The following AGTPBP1 variants were observed in gnomAD, a reference collection of about 807,000 sequenced individuals.
AGTPBP1 encodes cytosolic carboxypeptidase 1.
In AGTPBP1, 70 loss-of-function variants were observed where a neutral mutation model predicts 143.9. The ratio of observed to expected loss-of-function variants is 0.49; its 90% CI spans 0.40 to 0.59. The LOEUF (loss-of-function observed/expected upper bound fraction) is 0.59. AGTPBP1 is among the 20% of genes least tolerant of loss of function. The pLI, the probability that AGTPBP1 is intolerant of heterozygous loss-of-function variation, is 0.00. For synonymous variants in AGTPBP1, 463 were observed against 500.2 expected (o/e 0.93, Z 0.99); for missense variants, 1,229 against 1,464.5 (o/e 0.84, Z 2.62).
chr9:85,649,843 A>G (rs1420428924), intron 11 of AGTPBP1, among the ~76,000 whole-genome samples: 1 of 152,150 alleles, frequency 6.6e-6, no homozygotes, highest in Non-Finnish European at 1.5e-5. Context: ...TAAAGTCTTA[A>G]TATTACAATA....
At chr9:85,798,075 T>G in the AGTPBP1 span, among the ~76,000 whole-genome samples, 1 of 149,878 alleles carries the variant, frequency 6.7e-6, no homozygotes, top group African/African-American at 2.5e-5. Flanking sequence ...TTTTTTTTTG[T>G]ATTTTTGGTG....
rs535718560 is a variant in AGTPBP1 at position 85,558,253 on chromosome 9, G to A, written c.3504-10967C>T. ...GACACATGAAGGTCACATATTGTAT[G>A]ATTCCATTTCTATGAAATATCCAGA... is the stretch of plus-strand genomic sequence containing the variant. On this transcript the variant is annotated intron_variant, in intron 25 of 25. Transcript: ENST00000357081. 1.6e-4 allele frequency among the ~76,000 whole-genome samples: 24 copies of A among 152,320 alleles called. 1 individual carries two copies. The South Asian group carries it at 4.3e-3, about 28-fold the overall frequency.
chr9:85,773,965 G>A, the AGTPBP1 span: 69 of 1,610,352 alleles, frequency 4.3e-5, no homozygotes, highest in Non-Finnish European at 5.9e-5. Flanking sequence ...AAATTGCAGT[G>A]TGACCGGAGA....
intron 25 of AGTPBP1, among the ~76,000 whole-genome samples, chr9:85,548,434 C>G (rs1825846334): frequency 6.6e-6 from 1 of 152,176 alleles, no homozygotes; most frequent in Non-Finnish European, 1.5e-5. Flanking sequence ...GCAAAACCAC[C>G]TTGATCTAAT....
chr9:85,728,563 G>A (rs1036897841), intron 1 of AGTPBP1, among the ~76,000 whole-genome samples: 1 of 152,136 alleles, frequency 6.6e-6, no homozygotes, highest in African/African-American at 2.4e-5. Flanking sequence ...AGGAGGAACT[G>A]TCTCATGTCA....
intron 1 of AGTPBP1, among the ~76,000 whole-genome samples, chr9:85,733,123 A>T (rs1235464002): frequency 1.3e-5 from 2 of 152,190 alleles, no homozygotes; most frequent in African/African-American, 4.8e-5. Flanking sequence ...CAACACAATG[A>T]ATCAACTAGA....
intron 21 of AGTPBP1, 144 bp from the exon 22 acceptor site, chr9:85,587,104 C>T (rs1028197323): frequency 7.7e-6 from 7 of 905,112 alleles, no homozygotes; most frequent in Non-Finnish European, 1.1e-5. Flanking sequence ...ATGGTAAGCT[C>T]AACCAAATGC....
At chr9:85,618,798 G>A (rs1308953569) in intron 17 of AGTPBP1, among the ~76,000 whole-genome samples, 185 bp downstream of exon 17, 1 of 152,126 alleles carries the variant, frequency 6.6e-6, no homozygotes, top group African/African-American at 2.4e-5. Flanking sequence ...CTATATAAGA[G>A]TAACTCTTTT....
the AGTPBP1 span, among the ~76,000 whole-genome samples, chr9:85,760,179 C>T: frequency 6.6e-6 from 1 of 152,156 alleles, no homozygotes; most frequent in South Asian, 2.1e-4. Context: ...CAGCCGAATT[C>T]TACCAGAGGT....
At chr9:85,667,480 A>G (rs1425238634) in intron 8 of AGTPBP1, among the ~76,000 whole-genome samples, 1 of 152,180 alleles carries the variant, frequency 6.6e-6, no homozygotes, top group Non-Finnish European at 1.5e-5. Flanking sequence ...TAATGAAATA[A>G]CAGATACAGG....
chr9:85,672,732 ATTTTTT>A (rs35158140), intron 6 of AGTPBP1, 51 bp from the exon 7 acceptor site: 19 of 919,480 alleles, frequency 2.1e-5, no homozygotes, highest in East Asian at 3.9e-5. Flanking sequence ...TTTCTTTTTA[ATTTTTT>A]TTTTTTTTTT....
the AGTPBP1 span, among the ~76,000 whole-genome samples, chr9:85,766,817 G>A: frequency 6.6e-6 from 1 of 152,112 alleles, no homozygotes; most frequent in South Asian, 2.1e-4. Context: ...GTGACACAAG[G>A]TATCAATAAA....
rs148198029 is a variant in AGTPBP1, at chr9:85,547,199, A to G, written c.3591T>C (p.Ile1197=). The change falls in exon 26 of 26, where the codon ATT becomes ATC. Residue 1197 remains isoleucine (I), a synonymous_variant. Coordinates refer to ENST00000357081, the MANE Select transcript of AGTPBP1 (RefSeq NM_001330701.2). ...YSAESNDELD[I]ELAENVGDYE... ...AATCTCCTACATTTTCAGCCAACTC[A>G]ATATCTAACTCATCATTACTTTCTG... 2.5e-6 allele frequency: 4 copies of G among 1,613,752 alleles called. No homozygotes were observed. The African/African-American group carries it at 5.3e-5, about 22-fold the overall frequency.
chr9:85,571,903 A>G (rs1827491226), intron 25 of AGTPBP1, among the ~76,000 whole-genome samples: 1 of 152,000 alleles, frequency 6.6e-6, no homozygotes. Context: ...TGGAGGAAGA[A>G]GTGACTAGTT....
At chr9:85,611,917 T>C (rs1302047007) in intron 17 of AGTPBP1, among the ~76,000 whole-genome samples, 1 of 152,104 alleles carries the variant, frequency 6.6e-6, no homozygotes, top group Non-Finnish European at 1.5e-5. Flanking sequence ...CCTGACCTTG[T>C]GATCTACCCA....
At chr9:85,578,894 T>C (rs775215753) in intron 24 of AGTPBP1, 26 bp downstream of exon 24, 5 of 1,604,426 alleles carry the variant, frequency 3.1e-6, no homozygotes, top group Non-Finnish European at 4.3e-6. Flanking sequence ...ATATCTTTCA[T>C]GGTTAGAAAA....
At chr9:85,764,562 C>T in the AGTPBP1 span, 2 of 515,444 alleles carry the variant, frequency 3.9e-6, no homozygotes, top group Admixed American at 3.5e-5. Flanking sequence ...ATACCCCCTC[C>T]CTCAAAAAAA....
chr9:85,775,798 T>C, the AGTPBP1 span, among the ~76,000 whole-genome samples: 3 of 152,180 alleles, frequency 2.0e-5, no homozygotes, highest in East Asian at 5.8e-4. Context: ...CACCTTCTTA[T>C]GTTTTTCTGC....
the AGTPBP1 span, among the ~76,000 whole-genome samples, chr9:85,760,326 T>C: frequency 6.6e-6 from 1 of 152,142 alleles, no homozygotes; most frequent in African/African-American, 2.4e-5. Flanking sequence ...AAAAAGAGAA[T>C]TTTAGACCAA....
Sources: gnomAD v4.1 joint callset for allele counts (sites outside exome capture counted in the v4.1 genomes callset) on GRCh38, gnomAD v4.1.1 for gene constraint, MANE v1.5 for transcripts, NCBI Gene and HGNC (gene_info 2026-07-23, HGNC 2026-07-21) for gene names.